Variants in SAMD12 observed in about 807,000 individuals in gnomAD.
SAMD12 encodes sterile alpha motif domain-containing protein 12.
A neutral mutation model predicts 15.0 loss-of-function variants in SAMD12; 9 were observed. That is an observed-to-expected ratio of 0.60 (90% CI 0.36 to 1.05). The LOEUF is 1.05. Among genes scored for constraint, SAMD12 ranks in the 50% least tolerant of loss-of-function variants. The probability of loss-of-function intolerance (pLI) is 0.01; values close to 1 mark genes in which losing one functional copy is unlikely to be tolerated. For missense variants in SAMD12, 230 were observed against 234.2 expected (o/e 0.98, Z 0.12); for synonymous variants, 86 against 90.1 (o/e 0.96, Z 0.25).
chr8:118,546,642 G>A (rs1477435637), intron 2 of SAMD12, among the ~76,000 whole-genome samples: 1 of 152,134 alleles, frequency 6.6e-6, no homozygotes, highest in African/African-American at 2.4e-5. Flanking sequence ...CAATTACAAT[G>A]TTGAACTCAC....
intron 4 of SAMD12, among the ~76,000 whole-genome samples, chr8:118,207,380 T>TA (rs1819890492): frequency 1.3e-5 from 2 of 151,438 alleles, no homozygotes; most frequent in Admixed American, 6.6e-5. Flanking sequence ...GTGATTCCAT[T>TA]TTTTTTTTGC....
intron 2 of SAMD12, among the ~76,000 whole-genome samples, chr8:118,569,478 T>C (rs996390403): frequency 2.6e-5 from 4 of 152,174 alleles, no homozygotes; most frequent in Non-Finnish European, 4.4e-5. Flanking sequence ...GGATACAGGA[T>C]ACTTAATCTG....
intron 2 of SAMD12, among the ~76,000 whole-genome samples, chr8:118,454,521 A>G (rs1823183135): frequency 6.6e-6 from 1 of 152,174 alleles, no homozygotes; most frequent in Admixed American, 6.5e-5. Flanking sequence ...TTTAAAGTAT[A>G]TTCCCTACTC....
chr8:118,214,678 A>C (rs1400493716), intron 4 of SAMD12, among the ~76,000 whole-genome samples: 1 of 152,228 alleles, frequency 6.6e-6, no homozygotes, highest in Non-Finnish European at 1.5e-5. Flanking sequence ...AAGGTAGGGG[A>C]AAGTCATTTA....
At chr8:118,264,750 A>C (rs1408942717) in intron 4 of SAMD12, among the ~76,000 whole-genome samples, 1 of 152,118 alleles carries the variant, frequency 6.6e-6, no homozygotes, top group East Asian at 1.9e-4. Context: ...ACTGTTGGAC[A>C]AGGGAGTGAC....
intron 4 of SAMD12, among the ~76,000 whole-genome samples, chr8:118,367,682 A>T (rs1163192598): frequency 6.6e-6 from 1 of 152,214 alleles, no homozygotes; most frequent in Non-Finnish European, 1.5e-5. Context: ...AAGTCTCTGA[A>T]GTTCCCTAAA....
intron 3 of SAMD12, among the ~76,000 whole-genome samples, chr8:118,414,611 G>A (rs938781682): frequency 1.3e-5 from 2 of 152,144 alleles, no homozygotes; most frequent in African/African-American, 2.4e-5. Context: ...ATAGACTTGT[G>A]ATGAAGGGGA....
intron 2 of SAMD12, among the ~76,000 whole-genome samples, chr8:118,530,152 T>G (rs1807177926): frequency 6.6e-6 from 1 of 152,192 alleles, no homozygotes. Context: ...TTTCGTATGT[T>G]TGTTGGCTGT....
chr8:118,415,448 G>GGTGTGTGT (rs58176749), intron 3 of SAMD12, among the ~76,000 whole-genome samples: 20,381 of 142,750 alleles, frequency 0.14, 1,686 homozygotes, highest in Admixed American at 0.25. Flanking sequence ...CTTGTCCTAA[G>GGTGTGTGT]GTGTGTGTGT....
chr8:118,387,509 C>A (rs566396604), intron 3 of SAMD12, among the ~76,000 whole-genome samples: 1 of 152,034 alleles, frequency 6.6e-6, no homozygotes, highest in African/African-American at 2.4e-5. Flanking sequence ...GTCTATGGTG[C>A]AGTTACTCTG....
At chr8:118,551,662 G>C (rs1012841344) in intron 2 of SAMD12, among the ~76,000 whole-genome samples, 2 of 150,538 alleles carry the variant, frequency 1.3e-5, no homozygotes, top group African/African-American at 4.9e-5. Context: ...CAGAAGGCAA[G>C]AAATAACTAA....
intron 4 of SAMD12, chr8:118,284,489 A>T: frequency 2.5e-6 from 1 of 395,760 alleles, no homozygotes; most frequent in Non-Finnish European, 5.1e-6. Context: ...AATCTGAAAT[A>T]GTCCCTCTTA....
At chr8:118,211,634 A>C (rs1426253096) in intron 4 of SAMD12, among the ~76,000 whole-genome samples, 1 of 152,216 alleles carries the variant, frequency 6.6e-6, no homozygotes, top group Non-Finnish European at 1.5e-5. Flanking sequence ...CAGAGAAGTA[A>C]TTCTGAATCT....
intron 2 of SAMD12, among the ~76,000 whole-genome samples, chr8:118,580,395 C>T (rs965202824): frequency 1.3e-5 from 2 of 151,432 alleles, no homozygotes. Context: ...CTCAGAAAGT[C>T]ACATGACTTT....
In SAMD12 at chr8:118,452,546, C is replaced by T. The variant is rs548447838; in HGVS notation, c.193-12585G>A. ...ATTTATATAAACTTTTTCCAGAATC[C>T]ATGTCCATGCATGTATCTTTACAAC... On this transcript the variant is annotated intron_variant, in intron 2 of 3. Coordinates refer to ENST00000314727, the MANE Select transcript of SAMD12 (RefSeq NM_207506.3). 2.6e-5 allele frequency among the ~76,000 whole-genome samples: 4 copies of T among 152,136 alleles called. No homozygotes were observed. In the South Asian group the frequency reaches 8.3e-4, roughly 32 times the overall value.
At chr8:118,139,448 T>C in the SAMD12 span, among the ~76,000 whole-genome samples, 2 of 152,200 alleles carry the variant, frequency 1.3e-5, no homozygotes, top group East Asian at 3.8e-4. Context: ...AGACTCAAAC[T>C]CCTAGCTTGA....
intron 2 of SAMD12, among the ~76,000 whole-genome samples, chr8:118,523,714 G>C (rs1259176217): frequency 6.6e-6 from 1 of 152,104 alleles, no homozygotes. Context: ...GGGGATCTTA[G>C]TATTCCAGGC....
chr8:118,491,085 C>CTGGT (rs1368708399), intron 2 of SAMD12, among the ~76,000 whole-genome samples: 2 of 152,170 alleles, frequency 1.3e-5, no homozygotes, highest in Non-Finnish European at 2.9e-5. Flanking sequence ...TATACCCAGA[C>CTGGT]TGGTGCCTGT....
At chr8:118,425,155 G>C (rs553540522) in intron 3 of SAMD12, among the ~76,000 whole-genome samples, 4 of 152,096 alleles carry the variant, frequency 2.6e-5, no homozygotes, top group Non-Finnish European at 5.9e-5. Flanking sequence ...AGCCAGGATG[G>C]TCTCAATTTC....
Sources: allele counts gnomAD v4.1 joint callset (sites outside exome capture counted in the v4.1 genomes callset), GRCh38; gene constraint gnomAD v4.1.1; transcripts MANE v1.5; gene names NCBI Gene and HGNC (gene_info 2026-07-23, HGNC 2026-07-21).